The following CSMD1 variants were observed in gnomAD, a reference collection of about 807,000 sequenced individuals.
CSMD1 encodes the protein CUB and Sushi multiple domains 1.
Under a neutral mutation model 417.5 loss-of-function variants are expected in CSMD1, and 213 were observed. The ratio of observed to expected loss-of-function variants is 0.51; its 90% CI spans 0.46 to 0.57. The LOEUF (loss-of-function observed/expected upper bound fraction) is 0.57. Among genes scored for constraint, CSMD1 ranks in the 20% least tolerant of loss-of-function variants. The pLI, the probability that CSMD1 is intolerant of heterozygous loss-of-function variation, is 0.00. For missense variants in CSMD1, 6,923 were observed against 4,529.7 expected, an observed-to-expected ratio of 1.53 and a Z score of -15.17; for synonymous variants, 2,862 against 1,736.8, an observed-to-expected ratio of 1.65 and a Z score of -16.11.
At chr8:4,268,018 C>G (rs926539485) in intron 3 of CSMD1, among the ~76,000 whole-genome samples, 1 of 152,064 alleles carries the variant, frequency 6.6e-6, no homozygotes, top group Non-Finnish European at 1.5e-5. Context: ...AGGAATAAGA[C>G]ATATATACGA....
At chr8:4,335,151 C>T (rs1338699262) in intron 3 of CSMD1, among the ~76,000 whole-genome samples, 2 of 152,060 alleles carry the variant, frequency 1.3e-5, no homozygotes, top group Non-Finnish European at 2.9e-5. Flanking sequence ...ATTCACCCTC[C>T]TCACAGCCTC....
At chr8:3,349,461 C>T (rs12546211) in intron 21 of CSMD1, among the ~76,000 whole-genome samples, 4,759 of 151,930 alleles carry the variant, frequency 0.031, 101 homozygotes, top group East Asian at 0.081. Context: ...GAGAGGAGAA[C>T]GCTTGACATC....
intron 1 of CSMD1, among the ~76,000 whole-genome samples, chr8:4,651,519 T>C (rs1444760805): frequency 6.6e-6 from 1 of 152,134 alleles, no homozygotes; most frequent in Non-Finnish European, 1.5e-5. Context: ...AAAAATAAAG[T>C]TTACTGGTTT....
At chr8:4,728,475 G>C (rs199635153) in intron 1 of CSMD1, among the ~76,000 whole-genome samples, 1 of 152,038 alleles carries the variant, frequency 6.6e-6, no homozygotes, top group East Asian at 1.9e-4. Flanking sequence ...GCACAGCAGA[G>C]TGCTGCCATG....
At chr8:4,843,162 T>C (rs1488009848) in intron 1 of CSMD1, among the ~76,000 whole-genome samples, 3 of 152,182 alleles carry the variant, frequency 2.0e-5, no homozygotes, top group African/African-American at 7.2e-5. Context: ...ACCAGTCTTC[T>C]TCCTGGGCAG....
Position 3,181,143 on chromosome 8 carries a change from C to T in CSMD1, c.5692G>A (p.Val1898Met), listed in dbSNP as rs760647811. 2 of 1,613,856 alleles carry T rather than the reference C, an allele frequency of 1.2e-6. No individual in the cohort carries two copies. The highest frequency in any genetic ancestry group is 1.7e-6 in the Non-Finnish European group (2 of 1,179,824). The change falls in exon 37 of 70, where the codon GTG becomes ATG. Residue 1898 changes from valine to methionine, a missense_variant. By Grantham distance (21) the Val-to-Met change is conservative. Transcript: ENST00000635120. ...LYLHFQSDISVAAAGFHLEYK... is the reference protein window; with the variant it reads ...LYLHFQSDISMAAAGFHLEYK... Reference sequence around the variant, plus strand: ...TCCAGGTGGAAACCAGCAGCTGCCACACTAATGTCAGACTGGAAATGCAGG... The same window carrying T: ...TCCAGGTGGAAACCAGCAGCTGCCATACTAATGTCAGACTGGAAATGCAGG...
intron 1 of CSMD1, among the ~76,000 whole-genome samples, chr8:4,956,854 G>A (rs996068204): frequency 6.6e-6 from 1 of 152,260 alleles, no homozygotes; most frequent in South Asian, 2.1e-4. Flanking sequence ...AAGTCAGTGT[G>A]AACTCATGGT....
At chr8:3,846,314 G>C (rs1231565363) in intron 5 of CSMD1, among the ~76,000 whole-genome samples, 2 of 152,124 alleles carry the variant, frequency 1.3e-5, no homozygotes, top group Non-Finnish European at 1.5e-5. Flanking sequence ...AGCTCCATGA[G>C]AATCTTATCC....
chr8:4,188,483 C>T (rs1263545188), intron 3 of CSMD1, among the ~76,000 whole-genome samples: 1 of 152,078 alleles, frequency 6.6e-6, no homozygotes, highest in Admixed American at 6.6e-5. Flanking sequence ...GTCCATCAAC[C>T]ATGGTTAAAC....
intron 6 of CSMD1, among the ~76,000 whole-genome samples, chr8:3,745,732 T>C (rs932958604): frequency 6.6e-6 from 1 of 152,214 alleles, no homozygotes; most frequent in Non-Finnish European, 1.5e-5. Context: ...CCTTATTTCA[T>C]TAAGCAACAG....
intron 5 of CSMD1, among the ~76,000 whole-genome samples, chr8:3,778,715 G>C (rs1457488126): frequency 6.6e-6 from 1 of 152,126 alleles, no homozygotes; most frequent in Non-Finnish European, 1.5e-5. Flanking sequence ...TCCGAGCACC[G>C]CTTCCTTTCT....
chr8:4,283,739 T>G (rs1281841096), intron 3 of CSMD1, among the ~76,000 whole-genome samples: 1 of 152,024 alleles, frequency 6.6e-6, no homozygotes, highest in African/African-American at 2.4e-5. Context: ...AAGGAATGCA[T>G]GAGTGTTTTA....
Position 3,867,556 on chromosome 8 carries a change from C to T in CSMD1, c.819-113514G>A, listed in dbSNP as rs148949753. 5.9e-3 allele frequency among the ~76,000 whole-genome samples: 894 copies of T among 152,222 alleles called. 3 individuals are homozygous for T. Among genetic ancestry groups the T allele is most frequent in the South Asian group, 0.016 (76 of 4,820 alleles). On this transcript the variant is annotated intron_variant, in intron 5 of 69. Coordinates refer to ENST00000635120, the MANE Select transcript of CSMD1 (RefSeq NM_033225.6). ...ACAACAGAAGGCTAGTGAGAGACGT[C>T]TAATCCTCTAATGAACTGTGTGGAT...
At chr8:3,307,160 T>C (rs1365735399) in intron 25 of CSMD1, among the ~76,000 whole-genome samples, 1 of 152,104 alleles carries the variant, frequency 6.6e-6, no homozygotes, top group African/African-American at 2.4e-5. Flanking sequence ...GCCTAGCCCA[T>C]GAGACTTGCT....
chr8:3,301,741 T>G (rs1804423597), intron 25 of CSMD1, among the ~76,000 whole-genome samples: 1 of 152,178 alleles, frequency 6.6e-6, no homozygotes, highest in Non-Finnish European at 1.5e-5. Context: ...ATTATGGTTC[T>G]GGGTAAGGAG....
intron 49 of CSMD1, among the ~76,000 whole-genome samples, chr8:3,063,538 C>G (rs1812730295): frequency 6.6e-6 from 1 of 152,136 alleles, no homozygotes; most frequent in Non-Finnish European, 1.5e-5. Flanking sequence ...AGTTATGTCC[C>G]TAGTAGCATT....
At chr8:3,832,625 G>C (rs951161696) in intron 5 of CSMD1, among the ~76,000 whole-genome samples, 1 of 152,098 alleles carries the variant, frequency 6.6e-6, no homozygotes, top group Non-Finnish European at 1.5e-5. Context: ...GTTCTTGAAG[G>C]AGTCGAAGAT....
chr8:4,581,933 G>C lies in CSMD1; in HGVS notation c.302+55409C>G, dbSNP rs536337671. On this transcript the variant is annotated intron_variant, in intron 2 of 69. Transcript: ENST00000635120. Reference sequence around the variant, plus strand: ...AACTTGAGTCTCACAGTACAGTCAGGTCAAAGAAAGAGTTGGGGCTAAGGA... The same window carrying C: ...AACTTGAGTCTCACAGTACAGTCAGCTCAAAGAAAGAGTTGGGGCTAAGGA... Among the ~76,000 whole-genome samples the C allele has an allele frequency of 1.5e-3, 226 of 152,202 alleles. 1 individual carries two copies. Among genetic ancestry groups the C allele is most frequent in the African/African-American group, 5.3e-3 (220 of 41,536 alleles).
At chr8:4,295,557 T>C (rs1247983720) in intron 3 of CSMD1, among the ~76,000 whole-genome samples, 1 of 144,718 alleles carries the variant, frequency 6.9e-6, no homozygotes, top group East Asian at 2.0e-4. Context: ...AATCTTAAGA[T>C]TATATGTCAT....
Sources: allele counts gnomAD v4.1 joint callset (sites outside exome capture counted in the v4.1 genomes callset), GRCh38; gene constraint gnomAD v4.1.1; transcripts MANE v1.5; gene names NCBI Gene and HGNC (gene_info 2026-07-23, HGNC 2026-07-21).